Variants in GTF2H1 observed in about 807,000 individuals in gnomAD.
GTF2H1 encodes general transcription factor IIH subunit 1, also known as BTF2 p62.
GTF2H1 carries 16 observed loss-of-function variants against 71.2 expected under a neutral mutation model. That is an observed-to-expected ratio of 0.22 (90% confidence interval 0.15 to 0.34). GTF2H1 has a LOEUF of 0.34. GTF2H1 is among the 10% of genes least tolerant of loss of function. The pLI, the probability that GTF2H1 is intolerant of heterozygous loss-of-function variation, is 1.00. For missense variants in GTF2H1, 498 were observed against 648.2 expected, an observed-to-expected ratio of 0.77 and a Z score of 2.52; for synonymous variants, 215 against 219.0, an observed-to-expected ratio of 0.98 and a Z score of 0.16.
intron 11 of GTF2H1, among the ~76,000 whole-genome samples, chr11:18,355,106 C>CT (rs1205046453): frequency 4.0e-5 from 6 of 149,418 alleles, no homozygotes; most frequent in African/African-American, 1.2e-4. Context: ...TTTCTTTTTC[C>CT]TTTTTTTTAA....
intron 4 of GTF2H1, among the ~76,000 whole-genome samples, chr11:18,338,805 T>C (rs534163745): frequency 1.3e-5 from 2 of 152,334 alleles, no homozygotes; most frequent in Admixed American, 6.5e-5. Context: ...TATTTCTTTT[T>C]ACCAGTTATG....
intron 2 of GTF2H1, among the ~76,000 whole-genome samples, chr11:18,334,065 A>G (rs1461190430): frequency 1.3e-5 from 2 of 152,166 alleles, no homozygotes; most frequent in East Asian, 1.9e-4. Context: ...AACATGGTGG[A>G]ACCCCATTTC....
At chr11:18,334,425 C>T (rs1313435348) in intron 2 of GTF2H1, among the ~76,000 whole-genome samples, 2 of 152,182 alleles carry the variant, frequency 1.3e-5, no homozygotes, top group East Asian at 3.8e-4. Context: ...CTGTTACTAG[C>T]TAATAGCCTT....
chr11:18,338,187 C>T lies in GTF2H1; in HGVS notation c.426C>T (p.Phe142=), dbSNP rs745561088. 2 of 1,607,048 alleles carry T rather than the reference C, an allele frequency of 1.2e-6. No individual in the cohort carries two copies. Among genetic ancestry groups the T allele is most frequent in the Non-Finnish European group, 1.7e-6 (2 of 1,173,538 alleles). The change falls in exon 4 of 15, where the codon TTC becomes TTT. Residue 142 remains phenylalanine (F), a synonymous_variant. Coordinates refer to ENST00000265963, the MANE Select transcript of GTF2H1 (RefSeq NM_005316.4). ...VVSQVISAEE[F]WANRLNVNAT... Reference sequence around the variant, plus strand: ...GTCAAGTGATCAGTGCTGAGGAATTCTGGGCCAATCGTTTAAATGTGAATG... The same window carrying T: ...GTCAAGTGATCAGTGCTGAGGAATTTTGGGCCAATCGTTTAAATGTGAATG...
rs59001330 is a variant in GTF2H1, at chr11:18,327,492, C to G, written c.-16+4752C>G. Among the ~76,000 whole-genome samples, 267 of 152,282 alleles carry G rather than the reference C, an allele frequency of 1.8e-3. 1 individual carries two copies. The highest frequency in any genetic ancestry group is 6.0e-3 in the African/African-American group (248 of 41,554). On this transcript the variant is annotated intron_variant, in intron 1 of 14. Transcript: ENST00000265963. ...CTCTTGATTTCTCAGACCCAGTTTC[C>G]TTATCTACAAAATGTAACTAATAAT... is the stretch of plus-strand genomic sequence containing the variant.
chr11:18,339,625 T>C lies in GTF2H1; in HGVS notation c.575T>C (p.Ile192Thr). Residue 192 changes from isoleucine to threonine, a missense_variant, in exon 5 of 15, where the codon ATC becomes ACC. By Grantham distance (89) the Ile-to-Thr change is moderately conservative (BLOSUM62 -1). This residue lies in a region of GTF2H1 where 216 missense variants were observed against 306.2 expected (regional missense o/e 0.71). Transcript: ENST00000265963. The stretch of plus-strand genomic sequence containing the variant: ...CTAAGATATAATTTAACTTCTGATA[T>C]CATTGAGTCCATATTTAGGACCTAT... Reference protein sequence around the residue: ...NGLRYNLTSDIIESIFRTYPA... With the variant: ...NGLRYNLTSDTIESIFRTYPA... 1 of 1,610,736 alleles carries C rather than the reference T, an allele frequency of 6.2e-7. No individual in the cohort carries two copies. The highest frequency in any genetic ancestry group is 8.5e-7 in the Non-Finnish European group (1 of 1,176,918).
chr11:18,365,684 C>A, intron 14 of GTF2H1, 99 bp from the exon 15 acceptor site: 1 of 765,500 alleles, frequency 1.3e-6, no homozygotes, highest in Non-Finnish European at 2.3e-6. Context: ...TACAGAGGAG[C>A]TCCGAAACTA....
chr11:18,327,175 C>T (rs978041921), intron 1 of GTF2H1, among the ~76,000 whole-genome samples: 2 of 151,934 alleles, frequency 1.3e-5, no homozygotes, highest in East Asian at 1.9e-4. Flanking sequence ...ACACTAGCAC[C>T]CCTAACACTT....
At chr11:18,347,984 A>C in intron 9 of GTF2H1, 65 bp downstream of exon 9, 1 of 986,070 alleles carries the variant, frequency 1.0e-6, no homozygotes, top group Non-Finnish European at 1.6e-6. Context: ...TGTGACTGCA[A>C]GTACTGTATA....
intron 11 of GTF2H1, among the ~76,000 whole-genome samples, chr11:18,356,247 G>A (rs1414928707): frequency 6.6e-6 from 1 of 151,996 alleles, no homozygotes; most frequent in East Asian, 1.9e-4. Flanking sequence ...GTATGGTGGT[G>A]CGTACCTGTA....
At chr11:18,342,110 C>G (rs951926282) in intron 7 of GTF2H1, among the ~76,000 whole-genome samples, 2 of 152,084 alleles carry the variant, frequency 1.3e-5, no homozygotes, top group Non-Finnish European at 2.9e-5. Flanking sequence ...TATCTACTTG[C>G]AGAGAAAGAG....
intron 1 of GTF2H1, among the ~76,000 whole-genome samples, chr11:18,326,954 A>G (rs1320388203): frequency 6.6e-6 from 1 of 152,072 alleles, no homozygotes; most frequent in Non-Finnish European, 1.5e-5. Context: ...TCTAACTCCC[A>G]ACCTCAAGTG....
In GTF2H1 at chr11:18,347,611, A is replaced by G. The variant is rs1185350265; in HGVS notation, c.861A>G (p.Pro287=). 7.4e-6 allele frequency: 12 copies of G among 1,611,444 alleles called. No individual in the cohort carries two copies. In the Middle Eastern group the frequency reaches 1.3e-3, roughly 177 times the overall value. ...LDEGYGISSV[P]SASNSKSIKE... ...AGGGCTATGGCATTTCCTCTGTGCC[A>G]TCTGCTTCCAATTCTAAATCCATAA... Residue 287 remains proline, a synonymous_variant, in exon 8 of 15, where the codon CCA becomes CCG. Coordinates refer to ENST00000265963, the MANE Select transcript of GTF2H1 (RefSeq NM_005316.4).
chr11:18,357,799 A>T (rs187333427), intron 11 of GTF2H1, among the ~76,000 whole-genome samples, 153 bp from the exon 12 acceptor site: 1 of 152,254 alleles, frequency 6.6e-6, no homozygotes, highest in East Asian at 1.9e-4. Context: ...CCTCAAGGAA[A>T]ATAGTTCACT....
intron 1 of GTF2H1, 58 bp from the exon 2 acceptor site, chr11:18,333,002 T>G: frequency 8.0e-7 from 1 of 1,245,444 alleles, no homozygotes; most frequent in Non-Finnish European, 1.1e-6. Flanking sequence ...AGTCAACAAA[T>G]TCAACCCTAA....
chr11:18,327,944 C>CA (rs1229405913), intron 1 of GTF2H1, among the ~76,000 whole-genome samples: 1 of 152,146 alleles, frequency 6.6e-6, no homozygotes, highest in Non-Finnish European at 1.5e-5. Flanking sequence ...TGTAGTGGCT[C>CA]ACGCCTGTAA....
At chr11:18,355,850 A>G (rs574035842) in intron 11 of GTF2H1, among the ~76,000 whole-genome samples, 1 of 152,204 alleles carries the variant, frequency 6.6e-6, no homozygotes, top group Non-Finnish European at 1.5e-5. Context: ...GCCACCAACA[A>G]AATCAAGATT....
chr11:18,344,708 A>G (rs2133971854), intron 7 of GTF2H1, among the ~76,000 whole-genome samples: 1 of 152,172 alleles, frequency 6.6e-6, no homozygotes, highest in East Asian at 1.9e-4. Flanking sequence ...TTGAGCTTAG[A>G]ATAAAATCAA....
chr11:18,341,236 A>T, intron 5 of GTF2H1, 25 bp from the exon 6 acceptor site: 1 of 1,588,808 alleles, frequency 6.3e-7, no homozygotes, highest in Non-Finnish European at 8.6e-7. Context: ...TTCAGTATAT[A>T]ATATTTGTGG....
Sources: allele counts gnomAD v4.1 joint callset (sites outside exome capture counted in the v4.1 genomes callset), GRCh38; gene constraint gnomAD v4.1.1; regional missense constraint gnomAD v4.1.1; transcripts MANE v1.5; gene names NCBI Gene and HGNC (gene_info 2026-07-23, HGNC 2026-07-21).